The following CNTNAP2 variants were observed in gnomAD, a reference collection of about 807,000 sequenced individuals.
CNTNAP2 encodes contactin-associated protein-like 2.
A neutral mutation model predicts 155.2 loss-of-function variants in CNTNAP2; 98 were observed. The observed-to-expected ratio is 0.63, with a 90% CI of 0.54 to 0.75. The LOEUF is 0.75. Ranked by LOEUF, CNTNAP2 falls within the 30% of genes least tolerant of loss-of-function variation. The probability of loss-of-function intolerance (pLI) is 0.00; values close to 1 mark genes in which losing one functional copy is unlikely to be tolerated. For missense variants in CNTNAP2, 1,727 were observed against 1,688.1 expected (o/e 1.02, Z -0.40); for synonymous variants, 651 against 631.2 (o/e 1.03, Z -0.47).
At chr7:146,485,540 T>C (rs1797042415) in intron 1 of CNTNAP2, among the ~76,000 whole-genome samples, 1 of 152,234 alleles carries the variant, frequency 6.6e-6, no homozygotes, top group African/African-American at 2.4e-5. Context: ...CTTTCCTTCA[T>C]ATTTCCTGTC....
At chr7:147,352,422 C>G (rs774955550) in intron 9 of CNTNAP2, among the ~76,000 whole-genome samples, 13 of 152,020 alleles carry the variant, frequency 8.6e-5, no homozygotes, top group South Asian at 2.1e-4. Context: ...TTTTCTACCT[C>G]TAAACCTAAT....
chr7:147,398,423 T>C (rs1796856821), intron 10 of CNTNAP2, among the ~76,000 whole-genome samples: 1 of 148,492 alleles, frequency 6.7e-6, no homozygotes, highest in Non-Finnish European at 1.5e-5. Context: ...AAAGTATAAA[T>C]GAGAACATAG....
intron 21 of CNTNAP2, among the ~76,000 whole-genome samples, chr7:148,326,626 G>A (rs1402318024): frequency 2.0e-5 from 3 of 152,096 alleles, no homozygotes; most frequent in East Asian, 1.9e-4. Context: ...CAGCACTTTC[G>A]GAGGCCAAGG....
intron 1 of CNTNAP2, among the ~76,000 whole-genome samples, chr7:146,334,473 A>G (rs1378174269): frequency 1.3e-5 from 2 of 151,830 alleles, no homozygotes; most frequent in Non-Finnish European, 2.9e-5. Context: ...CCAACACTCA[A>G]GAATTATTTG....
intron 1 of CNTNAP2, among the ~76,000 whole-genome samples, chr7:146,274,524 G>A (rs2129083866): frequency 6.6e-6 from 1 of 152,256 alleles, no homozygotes; most frequent in East Asian, 1.9e-4. Flanking sequence ...AACTGCAAAT[G>A]TACTCATCAG....
At chr7:147,250,733 CT>C (rs1255490203) in intron 8 of CNTNAP2, among the ~76,000 whole-genome samples, 5 of 152,208 alleles carry the variant, frequency 3.3e-5, no homozygotes, top group African/African-American at 1.2e-4. Flanking sequence ...AATGTGGCTC[CT>C]TGTATCATCT....
chr7:147,557,938 A>G (rs1409844060), intron 11 of CNTNAP2, among the ~76,000 whole-genome samples: 1 of 152,206 alleles, frequency 6.6e-6, no homozygotes, highest in Non-Finnish European at 1.5e-5. Context: ...AATGACAGAA[A>G]GGAGATATGA....
intron 1 of CNTNAP2, among the ~76,000 whole-genome samples, chr7:146,206,783 T>G (rs1019147275): frequency 3.3e-5 from 5 of 151,998 alleles, no homozygotes; most frequent in African/African-American, 1.2e-4. Context: ...AACAACACTT[T>G]CAGATAAAAA....
chr7:148,005,793 G>A (rs1801965608), intron 15 of CNTNAP2, among the ~76,000 whole-genome samples: 2 of 152,188 alleles, frequency 1.3e-5, no homozygotes, highest in African/African-American at 4.8e-5. Context: ...ATGTTTTGCT[G>A]CTTCAGTGGT....
intron 10 of CNTNAP2, among the ~76,000 whole-genome samples, chr7:147,419,189 A>G (rs933102791): frequency 2.6e-5 from 4 of 152,148 alleles, no homozygotes; most frequent in African/African-American, 4.8e-5. Context: ...TTTGTTTCCC[A>G]GGGAGGAGAA....
Position 148,217,474 on chromosome 7 carries a change from A to G in CNTNAP2, c.3197A>G (p.Tyr1066Cys), listed in dbSNP as rs1795664797. 3 of 1,614,134 alleles carry G rather than the reference A, an allele frequency of 1.9e-6. No homozygotes were observed. Among genetic ancestry groups the G allele is most frequent in the Non-Finnish European group, 1.7e-6 (2 of 1,180,026 alleles). ...STTKAPCILL[Y>C]ISSFTTDFLA... ...ACCAAGGCGCCCTGCATTCTCCTCT[A>G]CATCAGCTCCTTCACCACAGACTTC... The change falls in exon 19 of 24, where the codon TAC becomes TGC. Residue 1066 changes from tyrosine to cysteine, a missense_variant. By Grantham distance (194) the Tyr-to-Cys change is radical. Coordinates refer to ENST00000361727, the MANE Select transcript of CNTNAP2 (RefSeq NM_014141.6).
intron 7 of CNTNAP2, among the ~76,000 whole-genome samples, chr7:147,130,269 A>G (rs994733613): frequency 4.6e-5 from 7 of 150,726 alleles, no homozygotes; most frequent in African/African-American, 7.4e-5. Flanking sequence ...AAGAAAATTA[A>G]AATTAAAAAA....
At chr7:146,838,040 T>G (rs1275571734) in intron 2 of CNTNAP2, among the ~76,000 whole-genome samples, 1 of 152,226 alleles carries the variant, frequency 6.6e-6, no homozygotes, top group Non-Finnish European at 1.5e-5. Flanking sequence ...CTTGTAGATT[T>G]CTAAAGCACT....
intron 1 of CNTNAP2, among the ~76,000 whole-genome samples, chr7:146,273,828 A>T (rs574013444): frequency 6.6e-6 from 1 of 152,272 alleles, no homozygotes; most frequent in South Asian, 2.1e-4. Context: ...CCTTCTTCGT[A>T]AAACAAGGCG....
chr7:147,762,802 G>A (rs766857239), intron 13 of CNTNAP2, among the ~76,000 whole-genome samples: 85 of 151,564 alleles, frequency 5.6e-4, no homozygotes, highest in Non-Finnish European at 5.7e-4. Context: ...AGGAGGAAGG[G>A]AAGGAAGGGA....
chr7:147,801,107 G>T (rs1397953602), intron 13 of CNTNAP2, among the ~76,000 whole-genome samples: 2 of 152,166 alleles, frequency 1.3e-5, no homozygotes, highest in East Asian at 3.9e-4. Context: ...CAAAGCCTGG[G>T]ATGTGTGCTC....
chr7:147,173,268 C>T (rs1802268210), intron 8 of CNTNAP2, among the ~76,000 whole-genome samples: 1 of 151,988 alleles, frequency 6.6e-6, no homozygotes, highest in South Asian at 2.1e-4. Context: ...CTACCATTTA[C>T]ATAAGCCAAG....
intron 14 of CNTNAP2, among the ~76,000 whole-genome samples, chr7:147,951,565 G>T (rs1017554823): frequency 2.0e-5 from 3 of 152,148 alleles, no homozygotes; most frequent in Admixed American, 6.5e-5. Flanking sequence ...TGTGGTTTGG[G>T]AATATAAGCA....
chr7:147,737,616 G>A (rs1327828205), intron 13 of CNTNAP2, among the ~76,000 whole-genome samples: 4 of 152,210 alleles, frequency 2.6e-5, no homozygotes, highest in African/African-American at 7.2e-5. Flanking sequence ...GCCCCCAGAG[G>A]TGGAGTCTAC....
Sources: gnomAD v4.1 joint callset for allele counts (sites outside exome capture counted in the v4.1 genomes callset) on GRCh38, gnomAD v4.1.1 for gene constraint, MANE v1.5 for transcripts, NCBI Gene and HGNC (gene_info 2026-07-23, HGNC 2026-07-21) for gene names.